The following LMOD1 variants were observed in gnomAD, a reference collection of about 807,000 sequenced individuals.
LMOD1 encodes the protein leiomodin 1.
In LMOD1, 8 loss-of-function variants were observed where a neutral mutation model predicts 36.5. That is an observed-to-expected ratio of 0.22 (90% CI 0.13 to 0.40). The LOEUF is 0.40. Ranked by LOEUF, LMOD1 falls within the 10% of genes least tolerant of loss-of-function variation. LMOD1 has a pLI of 1.00. For synonymous variants in LMOD1, 284 were observed against 288.7 expected (o/e 0.98, Z 0.17); for missense variants, 630 against 751.1 (o/e 0.84, Z 1.88).
chr1:201,920,417 G>A (rs370946738), intron 1 of LMOD1, among the ~76,000 whole-genome samples: 3 of 152,118 alleles, frequency 2.0e-5, no homozygotes, highest in African/African-American at 7.2e-5. Context: ...CATGCTACAG[G>A]GTCAATACAA....
chr1:201,900,705 T>C lies in LMOD1; in HGVS notation c.308A>G (p.Glu103Gly). The change falls in exon 2 of 3, where the codon GAA becomes GGA. Residue 103 changes from glutamate (E) to glycine (G), a missense_variant. Physicochemically the swap from Glu to Gly is moderately conservative, Grantham distance 98. Transcript: ENST00000367288. ...TTTTTTGCTGGCATCTCTGCCCCTT[T>C]CCTCTCCATTCTTGGCATCTGTCTT... ...ETKTDAKNGEERGRDASKKAL... is the reference protein window; with the variant it reads ...ETKTDAKNGEGRGRDASKKAL... The C allele has an allele frequency of 6.2e-7, 1 of 1,612,052 alleles. No homozygotes were observed. The highest frequency in any genetic ancestry group is 8.5e-7 in the Non-Finnish European group (1 of 1,179,240).
Position 201,900,098 on chromosome 1 carries a change from T to C in LMOD1, c.915A>G (p.Gly305=). 6.2e-7 allele frequency: 1 copy of C among 1,613,910 alleles called. No individual in the cohort carries two copies. The highest frequency in any genetic ancestry group is 8.5e-7 in the Non-Finnish European group (1 of 1,179,864). ...TPSGPTKPSE[G]PAKVEEEAAP... is the part of the protein sequence containing the mutation. ...CTGCCTCCTCCTCCACCTTGGCCGG[T>C]CCTTCAGAGGGCTTGGTGGGGCCAC... is the stretch of plus-strand genomic sequence containing the variant. Residue 305 remains glycine (G), a synonymous_variant, in exon 2 of 3, where the codon GGA becomes GGG. Transcript: ENST00000367288.
chr1:201,901,608 ATACACATATATATGTG>A (rs1681319266), intron 1 of LMOD1, among the ~76,000 whole-genome samples: 1 of 42,164 alleles, frequency 2.4e-5, no homozygotes, highest in Admixed American at 2.7e-4. Context: ...ATATATATAT[ATACACATATATATGTG>A]TGTGTGTATA....
intron 1 of LMOD1, among the ~76,000 whole-genome samples, chr1:201,903,983 C>T (rs761571366): frequency 3.3e-5 from 5 of 152,196 alleles, no homozygotes; most frequent in Non-Finnish European, 5.9e-5. Context: ...CTAACAGCCA[C>T]CAAGTCAATG....
rs189086050 is a variant in LMOD1 at position 201,918,992 on chromosome 1, A to C, written c.262-18241T>G. On this transcript the variant is annotated intron_variant, in intron 1 of 2. Transcript: ENST00000367288. ...ACTATAACCTCAAACTCCTGGGCTC[A>C]AGTGATCCTCCTGCCTCAGCTTTCC... Among the ~76,000 whole-genome samples the C allele has an allele frequency of 3.9e-4, 59 of 151,674 alleles. 1 individual carries two copies. In the East Asian group the frequency reaches 0.011, roughly 29 times the overall value.
chr1:201,914,995 C>T (rs1410013714), intron 1 of LMOD1, among the ~76,000 whole-genome samples: 1 of 152,196 alleles, frequency 6.6e-6, no homozygotes, highest in Non-Finnish European at 1.5e-5. Flanking sequence ...CTCAATCCAA[C>T]ACACTCTTGC....
At position 201,900,711 on chromosome 1, in the gene LMOD1, C is replaced by G; in HGVS notation, c.302G>C (p.Gly101Ala). The change falls in exon 2 of 3, where the codon GGA (glycine) becomes GCA (alanine). Residue 101 changes from glycine (G) to alanine (A), a missense_variant. Coordinates refer to ENST00000367288, the MANE Select transcript of LMOD1 (RefSeq NM_012134.3). The stretch of plus-strand genomic sequence containing the variant: ...GCTGGCATCTCTGCCCCTTTCCTCT[C>G]CATTCTTGGCATCTGTCTTGGTCTC... The part of the protein sequence containing the change: ...QVETKTDAKN[G>A]EERGRDASKK... The G allele has an allele frequency of 3.7e-6, 6 of 1,610,992 alleles. No individual in the cohort carries two copies. Among genetic ancestry groups the G allele is most frequent in the Non-Finnish European group, 5.1e-6 (6 of 1,178,804 alleles).
At chr1:201,942,507 TCC>T (rs1371546861) in intron 1 of LMOD1, among the ~76,000 whole-genome samples, 1 of 152,032 alleles carries the variant, frequency 6.6e-6, no homozygotes, top group Admixed American at 6.6e-5. Flanking sequence ...GAATATCCCA[TCC>T]CTTGGAGGGA....
intron 1 of LMOD1, among the ~76,000 whole-genome samples, chr1:201,944,558 G>T (rs1040133592): frequency 4.6e-5 from 7 of 152,174 alleles, no homozygotes; most frequent in Non-Finnish European, 1.0e-4. Flanking sequence ...GGCCCTCACA[G>T]TAAGTGCTAC....
chr1:201,941,643 G>A (rs540286321), intron 1 of LMOD1, among the ~76,000 whole-genome samples: 2 of 152,362 alleles, frequency 1.3e-5, no homozygotes, highest in East Asian at 1.9e-4. Context: ...TCCCGGCCCC[G>A]TAGAGATACC....
Position 201,900,631 on chromosome 1 carries a change from C to T in LMOD1, c.382G>A (p.Gly128Ser). The change falls in exon 2 of 3, where the codon GGT becomes AGT. Residue 128 changes from glycine (G) to serine (S), a missense_variant. Transcript: ENST00000367288. ...CTAGAGAAGCTTTTCTTTAAACCAC[C>T]CCTCTTTGGCTCCTTCCCCAGATCT... ...DSDLGKEPKR[G>S]GLKKSFSRDR... 2 of 1,613,886 alleles carry T rather than the reference C, an allele frequency of 1.2e-6. No individual in the cohort carries two copies. The highest frequency in any genetic ancestry group is 8.5e-7 in the Non-Finnish European group (1 of 1,179,904).
Position 201,935,297 on chromosome 1 carries a change from G to C in LMOD1, c.261+10783C>G, listed in dbSNP as rs1271517205. ...AGTCGGGGTGATCCGTACTGCCTAAGCTATTTGGTGAATTTGATGTCCTTT... is the reference window on the plus strand; with the variant it reads ...AGTCGGGGTGATCCGTACTGCCTAACCTATTTGGTGAATTTGATGTCCTTT... On this transcript the variant is annotated intron_variant, in intron 1 of 2. Transcript: ENST00000367288. 2.6e-5 allele frequency among the ~76,000 whole-genome samples: 4 copies of C among 151,586 alleles called. No homozygotes were observed. The East Asian group carries it at 5.9e-4, about 22-fold the overall frequency.
chr1:201,943,333 G>A (rs1365379773), intron 1 of LMOD1, among the ~76,000 whole-genome samples: 1 of 152,214 alleles, frequency 6.6e-6, no homozygotes, highest in Non-Finnish European at 1.5e-5. Context: ...CCCAAGAATC[G>A]TAAGGCTTAA....
intron 1 of LMOD1, among the ~76,000 whole-genome samples, chr1:201,924,761 G>A (rs1372900788): frequency 1.3e-5 from 2 of 152,282 alleles, no homozygotes; most frequent in Middle Eastern, 3.4e-3. Context: ...ATAGTGGCAT[G>A]TGCCTGCAGT....
intron 1 of LMOD1, among the ~76,000 whole-genome samples, chr1:201,901,679 T>TAC (rs1342084369): frequency 1.1e-5 from 1 of 93,520 alleles, no homozygotes; most frequent in Non-Finnish European, 2.3e-5. Flanking sequence ...TATATACACA[T>TAC]ATATATATGT....
At chr1:201,922,809 C>A (rs1023119374) in intron 1 of LMOD1, among the ~76,000 whole-genome samples, 1 of 151,374 alleles carries the variant, frequency 6.6e-6, no homozygotes, top group Non-Finnish European at 1.5e-5. Context: ...AAAAACACTG[C>A]ATTGGGTATT....
At chr1:201,933,560 C>CAT (rs1048162995) in intron 1 of LMOD1, among the ~76,000 whole-genome samples, 2 of 120,852 alleles carry the variant, frequency 1.7e-5, no homozygotes, top group Non-Finnish European at 3.5e-5. Flanking sequence ...ATATATAATA[C>CAT]ATATATATAT....
intron 1 of LMOD1, among the ~76,000 whole-genome samples, chr1:201,935,885 G>A (rs1169521766): frequency 6.6e-6 from 1 of 151,538 alleles, no homozygotes; most frequent in Non-Finnish European, 1.5e-5. Context: ...GGCCGAGGTG[G>A]GCAGATTGCC....
At chr1:201,923,150 C>T (rs888020188) in intron 1 of LMOD1, among the ~76,000 whole-genome samples, 1 of 151,998 alleles carries the variant, frequency 6.6e-6, no homozygotes, top group African/African-American at 2.4e-5. Context: ...CAGCCCTTCC[C>T]CAGGGTCTCC....
Sources: allele counts gnomAD v4.1 joint callset (sites outside exome capture counted in the v4.1 genomes callset), GRCh38; gene constraint gnomAD v4.1.1; transcripts MANE v1.5; gene names NCBI Gene and HGNC (gene_info 2026-07-23, HGNC 2026-07-21).